Variants in NCF2 observed in about 807,000 individuals in gnomAD.
NCF2 encodes neutrophil cytosol factor 2.
NCF2 carries 45 observed loss-of-function variants against 70.9 expected under a neutral mutation model. The ratio of observed to expected loss-of-function variants is 0.63; its 90% CI spans 0.50 to 0.81. The LOEUF (loss-of-function observed/expected upper bound fraction) is 0.81. NCF2 is among the 40% of genes least tolerant of loss of function. NCF2 has a pLI of 0.00. For missense variants in NCF2, 522 were observed against 631.6 expected, an observed-to-expected ratio of 0.83 and a Z score of 1.86; for synonymous variants, 203 against 233.6, an observed-to-expected ratio of 0.87 and a Z score of 1.19.
chr1:183,588,387 A>C (rs1177833925), intron 1 of NCF2, among the ~76,000 whole-genome samples: 4 of 151,818 alleles, frequency 2.6e-5, no homozygotes, highest in Non-Finnish European at 5.9e-5. Flanking sequence ...AGGCAGGAGA[A>C]TCACTTGAAC....
Position 183,574,515 on chromosome 1 carries a change from T to G in NCF2, c.473A>C (p.Lys158Thr). Residue 158 changes from lysine to threonine, a missense_variant, in exon 4 of 15, where the codon AAA (lysine) becomes ACA (threonine). Coordinates refer to ENST00000367535, the MANE Select transcript of NCF2 (RefSeq NM_000433.4). ...GACACACTCCATCGCCTTGTCGATT[T>G]TGGAATGTCTGGGCTCAGACTTCAT... ...TSMKSEPRHSKIDKAMECVWK... is the reference protein window; with the variant it reads ...TSMKSEPRHSTIDKAMECVWK... 6.2e-7 allele frequency: 1 copy of G among 1,614,244 alleles called. No individual in the cohort carries two copies. Among genetic ancestry groups the G allele is most frequent in the Non-Finnish European group, 8.5e-7 (1 of 1,180,038 alleles).
chr1:183,598,851 TGTAA>T, the NCF2 span, among the ~76,000 whole-genome samples: 1 of 152,218 alleles, frequency 6.6e-6, no homozygotes, highest in Non-Finnish European at 1.5e-5. Context: ...CGATAGAATT[TGTAA>T]GTGTGATCCC....
At chr1:183,563,792 G>C in intron 11 of NCF2, 1 of 812,088 alleles carries the variant, frequency 1.2e-6, no homozygotes, top group Non-Finnish European at 2.0e-6. Flanking sequence ...TACTGAGTAA[G>C]ATCTGGCCCA....
At chr1:183,587,270 A>C (rs1673399216) in intron 1 of NCF2, among the ~76,000 whole-genome samples, 1 of 152,148 alleles carries the variant, frequency 6.6e-6, no homozygotes, top group Admixed American at 6.5e-5. Flanking sequence ...TGCTTTTGTT[A>C]GTCATATATG....
chr1:183,564,307 A>G (rs1672212027), intron 10 of NCF2, among the ~76,000 whole-genome samples: 1 of 152,206 alleles, frequency 6.6e-6, no homozygotes, highest in Admixed American at 6.5e-5. Context: ...CCACAAGGTT[A>G]GCAGGGATCC....
intron 14 of NCF2, among the ~76,000 whole-genome samples, chr1:183,557,504 A>C (rs1390795456): frequency 2.0e-5 from 3 of 152,272 alleles, no homozygotes; most frequent in African/African-American, 7.2e-5. Flanking sequence ...TCACATGCAC[A>C]TTAAAGTTTG....
chr1:183,571,307 A>C (rs912102359), intron 5 of NCF2, among the ~76,000 whole-genome samples: 1 of 151,936 alleles, frequency 6.6e-6, no homozygotes, highest in African/African-American at 2.4e-5. Flanking sequence ...CAGTAGAGAC[A>C]GGTTTTCACC....
chr1:183,571,140 C>T (rs1451825788), intron 5 of NCF2, among the ~76,000 whole-genome samples: 13 of 108,420 alleles, frequency 1.2e-4, no homozygotes, highest in South Asian at 8.8e-4. Flanking sequence ...TTTTTTGAGA[C>T]GGAGTCACGC....
chr1:183,568,490 T>G (rs1672407628), intron 7 of NCF2, among the ~76,000 whole-genome samples: 1 of 151,980 alleles, frequency 6.6e-6, no homozygotes, highest in African/African-American at 2.4e-5. Flanking sequence ...ACCTCCTTTT[T>G]GGGTGGGAGG....
At chr1:183,581,586 C>G (rs941817966) in intron 2 of NCF2, among the ~76,000 whole-genome samples, 9 of 151,964 alleles carry the variant, frequency 5.9e-5, no homozygotes, top group African/African-American at 2.2e-4. Flanking sequence ...ACCTCAGCCT[C>G]CCAAAGTACA....
At position 183,556,080 on chromosome 1, in the gene NCF2, G is replaced by A; in HGVS notation, c.*38C>T. The A allele has an allele frequency of 6.5e-7, 1 of 1,528,572 alleles. No individual in the cohort carries two copies. The highest frequency in any genetic ancestry group is 9.1e-7 in the Non-Finnish European group (1 of 1,102,176). The allele number at this position is 1,528,572 out of a possible 1,614,324, so 94.7% of individuals were successfully genotyped here. A position where few individuals can be genotyped will look rare whatever the true frequency, so the allele number is the denominator to read the frequency against. ...GCTAAATCTTACAAACAAGTAATAG[G>A]GCTTCATTTTCTTCAGCTTTGTAGT... On this transcript the variant is annotated 3_prime_UTR_variant, in exon 15 of 15. Coordinates refer to ENST00000367535, the MANE Select transcript of NCF2 (RefSeq NM_000433.4).
In NCF2 at chr1:183,564,098, C is replaced by G. The variant is rs929658964; in HGVS notation, c.1001-68G>C. The G allele has an allele frequency of 2.7e-6, 4 of 1,478,456 alleles. No homozygotes were observed. In the African/African-American group the frequency reaches 5.6e-5, roughly 21 times the overall value. The allele number at this position is 1,478,456 out of a possible 1,614,324, so 91.6% of individuals were successfully genotyped here. ...ATGAACATCCTTGGCCAGCCCCTGCCACACACAGATGAAACCTCTTCAAAT... is the reference window on the plus strand; with the variant it reads ...ATGAACATCCTTGGCCAGCCCCTGCGACACACAGATGAAACCTCTTCAAAT... On this transcript the variant is annotated intron_variant, in intron 10 of 14. Transcript: ENST00000367535.
chr1:183,580,978 CA>C (rs11414367), intron 2 of NCF2, among the ~76,000 whole-genome samples: 14,610 of 125,132 alleles, frequency 0.12, 754 homozygotes, highest in Admixed American at 0.17. Flanking sequence ...GACTCCAACT[CA>C]AAAAAAAAAA....
chr1:183,577,689 T>C lies in NCF2; in HGVS notation c.276A>G (p.Lys92=), dbSNP rs1487481517. The C allele has an allele frequency of 1.2e-6, 2 of 1,612,746 alleles. No homozygotes were observed. Among genetic ancestry groups the C allele is most frequent in the South Asian group, 1.1e-5 (1 of 91,060 alleles). The change falls in exon 3 of 15, where the codon AAA becomes AAG. Residue 92 remains lysine (K), a synonymous_variant. Coordinates refer to ENST00000367535, the MANE Select transcript of NCF2 (RefSeq NM_000433.4). ...YQTEKYDLAI[K]DLKEALIQLR... is the part of the protein sequence containing the mutation. ...GCTGAATCAAGGCTTCTTTAAGGTC[T>C]TTGATAGCCAAATCATATCTGCAGG...
chr1:183,599,942 T>A, the NCF2 span, among the ~76,000 whole-genome samples: 1 of 152,180 alleles, frequency 6.6e-6, no homozygotes, highest in Non-Finnish European at 1.5e-5. Flanking sequence ...GCCAAGATAT[T>A]CCTTAGACAA....
intron 13 of NCF2, among the ~76,000 whole-genome samples, chr1:183,561,569 A>G (rs534444949): frequency 1.3e-5 from 2 of 152,296 alleles, no homozygotes; most frequent in Admixed American, 6.5e-5. Context: ...GACTTGGTTA[A>G]TGGTAAGTGT....
chr1:183,581,281 C>CAAAAAAAAA (rs1303349542), intron 2 of NCF2, among the ~76,000 whole-genome samples: 1 of 66,876 alleles, frequency 1.5e-5, no homozygotes, highest in African/African-American at 7.3e-5. Context: ...AATCCTGACT[C>CAAAAAAAAA]AAAAAAAAAA....
chr1:183,562,031 G>A (rs1672086061), intron 13 of NCF2, among the ~76,000 whole-genome samples: 1 of 152,022 alleles, frequency 6.6e-6, no homozygotes, highest in African/African-American at 2.4e-5. Context: ...GGAATTACAG[G>A]CATGAGCCAC....
At chr1:183,575,468 T>C (rs1672760021) in intron 3 of NCF2, among the ~76,000 whole-genome samples, 1 of 152,198 alleles carries the variant, frequency 6.6e-6, no homozygotes, top group Admixed American at 6.5e-5. Flanking sequence ...TGCAACAGTG[T>C]CATACTTTTC....
Sources: gnomAD v4.1 joint callset for allele counts (sites outside exome capture counted in the v4.1 genomes callset) on GRCh38, gnomAD v4.1.1 for gene constraint, MANE v1.5 for transcripts, NCBI Gene and HGNC (gene_info 2026-07-23, HGNC 2026-07-21) for gene names.